Variants in WDR7 observed in about 807,000 individuals in gnomAD.
WDR7 encodes WD repeat-containing protein 7.
In WDR7, 46 loss-of-function variants were observed where a neutral mutation model predicts 169.4. The observed-to-expected ratio is 0.27, with a 90% CI of 0.21 to 0.35. WDR7 has a LOEUF of 0.35. WDR7 is among the 10% of genes least tolerant of loss of function. The pLI is 1.00. For synonymous variants in WDR7, 612 were observed against 666.8 expected, an observed-to-expected ratio of 0.92 and a Z score of 1.27; for missense variants, 1,534 against 1,859.3, an observed-to-expected ratio of 0.83 and a Z score of 3.22.
At chr18:56,818,537 C>T (rs117660986) in intron 20 of WDR7, among the ~76,000 whole-genome samples, 1,794 of 152,240 alleles carry the variant, frequency 0.012, 18 homozygotes, top group Non-Finnish European at 0.02. Context: ...ATCCGAAGAA[C>T]TTAAATAACT....
At chr18:56,901,687 A>G (rs2046404030) in intron 21 of WDR7, among the ~76,000 whole-genome samples, 1 of 152,148 alleles carries the variant, frequency 6.6e-6, no homozygotes, top group African/African-American at 2.4e-5. Flanking sequence ...TTTAATTGCT[A>G]TGGATTTCTG....
chr18:56,840,581 G>A (rs2045468385), intron 20 of WDR7, among the ~76,000 whole-genome samples: 1 of 152,128 alleles, frequency 6.6e-6, no homozygotes, highest in African/African-American at 2.4e-5. Flanking sequence ...AGCATTTTGG[G>A]AGGTCGAGGC....
At chr18:56,954,857 AG>A (rs2047230845) in intron 25 of WDR7, among the ~76,000 whole-genome samples, 1 of 152,192 alleles carries the variant, frequency 6.6e-6, no homozygotes, top group South Asian at 2.1e-4. Flanking sequence ...AAACTAATCT[AG>A]ACAGAACAGT....
chr18:56,942,134 C>T (rs916690329), intron 25 of WDR7, among the ~76,000 whole-genome samples: 1 of 152,096 alleles, frequency 6.6e-6, no homozygotes, highest in Admixed American at 6.6e-5. Flanking sequence ...GCCCTCTCCC[C>T]GACAAATAGA....
chr18:56,964,868 T>C (rs2047385597), intron 26 of WDR7, among the ~76,000 whole-genome samples: 2 of 152,214 alleles, frequency 1.3e-5, no homozygotes, highest in African/African-American at 4.8e-5. Flanking sequence ...CTAACATCAA[T>C]CATTACTTTT....
At chr18:56,919,822 G>A (rs1326179806) in intron 21 of WDR7, among the ~76,000 whole-genome samples, 2 of 152,144 alleles carry the variant, frequency 1.3e-5, no homozygotes, top group Non-Finnish European at 2.9e-5. Context: ...GGGATGAGAA[G>A]ATCAGAATTA....
At chr18:56,885,402 G>T (rs186898684) in intron 21 of WDR7, among the ~76,000 whole-genome samples, 1 of 151,878 alleles carries the variant, frequency 6.6e-6, no homozygotes, top group Admixed American at 6.6e-5. Flanking sequence ...AAGATATGAA[G>T]GGAAAAATCT....
intron 26 of WDR7, among the ~76,000 whole-genome samples, chr18:56,977,747 A>G (rs544130844): frequency 3.0e-4 from 45 of 152,356 alleles, no homozygotes; most frequent in South Asian, 1.7e-3. Context: ...AAAACATTAT[A>G]TAAGAAGGGA....
chr18:56,798,813 A>G (rs2044625757), intron 19 of WDR7, among the ~76,000 whole-genome samples: 1 of 152,206 alleles, frequency 6.6e-6, no homozygotes, highest in South Asian at 2.1e-4. Flanking sequence ...AATAGATCTT[A>G]TACATGAGAC....
In WDR7 at chr18:56,731,412, A is replaced by G. The variant is rs1255117458; in HGVS notation, c.1804A>G (p.Thr602Ala). 2 of 1,614,032 alleles carry G rather than the reference A, an allele frequency of 1.2e-6. No homozygotes were observed. Among genetic ancestry groups the G allele is most frequent in the Non-Finnish European group, 8.5e-7 (1 of 1,180,020 alleles). ...ATTGGATCGTTGTGTGATGGGGATA[A>G]CAGCAGTTGAGATTCTAAACGCTTG... ...GALDRCVMGI[T>A]AVEILNACDE... Residue 602 changes from threonine (T) to alanine (A), a missense_variant, in exon 14 of 28, where the codon ACA (threonine) becomes GCA (alanine). Physicochemically the swap from Thr to Ala is moderately conservative, Grantham distance 58 (BLOSUM62 0). Transcript: ENST00000254442.
intron 26 of WDR7, among the ~76,000 whole-genome samples, chr18:57,004,738 A>G (rs1317523257): frequency 6.6e-6 from 1 of 152,184 alleles, no homozygotes; most frequent in Non-Finnish European, 1.5e-5. Context: ...TTAGTTATCA[A>G]TATTTTACAG....
intron 13 of WDR7, among the ~76,000 whole-genome samples, chr18:56,723,982 T>C (rs948849932): frequency 2.0e-5 from 3 of 151,920 alleles, no homozygotes; most frequent in African/African-American, 7.3e-5. Flanking sequence ...TCTAGTATAT[T>C]TTTCATCCCA....
In WDR7 at chr18:56,808,716, A is replaced by C. The variant is rs2044818156; in HGVS notation, c.3191-7315A>C. Among the ~76,000 whole-genome samples, 3 of 152,144 alleles carry C rather than the reference A, an allele frequency of 2.0e-5. No homozygotes were observed. In the South Asian group the frequency reaches 6.2e-4, roughly 31 times the overall value. On this transcript the variant is annotated intron_variant, in intron 19 of 27. Coordinates refer to ENST00000254442, the MANE Select transcript of WDR7 (RefSeq NM_015285.3). ...GATATTGTTAGCCAGTTGGAAAAAA[A>C]TTCATAAAGGTAATTTACAAGCTTA...
At chr18:56,812,724 G>A (rs181422923) in intron 19 of WDR7, among the ~76,000 whole-genome samples, 1 of 152,232 alleles carries the variant, frequency 6.6e-6, no homozygotes, top group East Asian at 1.9e-4. Context: ...TCCAAGGGCA[G>A]AAGAAAAAGG....
chr18:56,992,194 T>C (rs556219904), intron 26 of WDR7, among the ~76,000 whole-genome samples: 1 of 152,346 alleles, frequency 6.6e-6, no homozygotes, highest in East Asian at 1.9e-4. Flanking sequence ...GCTAGACCTA[T>C]CAGTAGCAAA....
chr18:56,704,519 A>G (rs950402131), intron 12 of WDR7, among the ~76,000 whole-genome samples: 2 of 152,172 alleles, frequency 1.3e-5, no homozygotes, highest in Non-Finnish European at 2.9e-5. Flanking sequence ...AGCCTAGGTG[A>G]CAGAGTGAGA....
At chr18:56,852,746 A>G (rs2045659988) in intron 20 of WDR7, among the ~76,000 whole-genome samples, 1 of 152,178 alleles carries the variant, frequency 6.6e-6, no homozygotes, top group African/African-American at 2.4e-5. Context: ...ATACACATAT[A>G]TGGATAAATG....
intron 19 of WDR7, among the ~76,000 whole-genome samples, chr18:56,797,846 A>G (rs1379892840): frequency 3.3e-5 from 5 of 152,196 alleles, no homozygotes; most frequent in African/African-American, 1.2e-4. Flanking sequence ...ATTGTTCTGG[A>G]TGCTGGATAT....
chr18:56,927,728 T>C (rs1351820188), intron 22 of WDR7, among the ~76,000 whole-genome samples: 1 of 152,244 alleles, frequency 6.6e-6, no homozygotes, highest in African/African-American at 2.4e-5. Context: ...TGTTTTCAGA[T>C]ATTTTGCCAA....
Sources: gnomAD v4.1 joint callset for allele counts (sites outside exome capture counted in the v4.1 genomes callset) on GRCh38, gnomAD v4.1.1 for gene constraint, MANE v1.5 for transcripts, NCBI Gene and HGNC (gene_info 2026-07-23, HGNC 2026-07-21) for gene names.